The following ARHGEF10 variants were observed in gnomAD, a reference collection of about 807,000 sequenced individuals.
The protein encoded by ARHGEF10 is Rho guanine nucleotide exchange factor (GEF) 10.
ARHGEF10 carries 140 observed loss-of-function variants against 147.4 expected under a neutral mutation model. The observed-to-expected ratio is 0.95, with a 90% confidence interval of 0.83 to 1.09. The LOEUF is 1.09. Ranked by LOEUF, ARHGEF10 falls within the 50% of genes least tolerant of loss-of-function variation. The probability of loss-of-function intolerance (pLI) is 0.00; values close to 1 mark genes in which losing one functional copy is unlikely to be tolerated. For synonymous variants in ARHGEF10, 902 were observed against 695.8 expected (o/e 1.30, Z -4.67); for missense variants, 2,222 against 1,752.7 (o/e 1.27, Z -4.78).
intron 1 of ARHGEF10, among the ~76,000 whole-genome samples, chr8:1,834,353 A>G (rs1803455028): frequency 6.6e-6 from 1 of 152,162 alleles, no homozygotes; most frequent in Admixed American, 6.5e-5. Context: ...AGAAGATCCC[A>G]CGGAGACGGT....
At chr8:1,877,152 A>G (rs1315836189) in intron 8 of ARHGEF10, among the ~76,000 whole-genome samples, 1 of 152,272 alleles carries the variant, frequency 6.6e-6, no homozygotes, top group Non-Finnish European at 1.5e-5. Context: ...CATGTTCAGC[A>G]TGAAAAGGAA....
chr8:1,865,092 A>G (rs1450104355), intron 5 of ARHGEF10, among the ~76,000 whole-genome samples: 1 of 152,248 alleles, frequency 6.6e-6, no homozygotes, highest in Non-Finnish European at 1.5e-5. Flanking sequence ...AATAGTTTAA[A>G]ATAGTGTTTC....
intron 5 of ARHGEF10, 127 bp downstream of exon 5, chr8:1,864,563 C>G: frequency 4.4e-6 from 4 of 905,836 alleles, no homozygotes; most frequent in African/African-American, 1.6e-5. Flanking sequence ...TGTCCCAACC[C>G]CACCTCCTGC....
intron 1 of ARHGEF10, among the ~76,000 whole-genome samples, chr8:1,833,987 CA>C (rs1803428295): frequency 6.6e-6 from 1 of 152,194 alleles, no homozygotes; most frequent in Admixed American, 6.5e-5. Flanking sequence ...AGGAGACAAG[CA>C]GACACATGCA....
chr8:1,828,593 T>G (rs1185257338), intron 1 of ARHGEF10, among the ~76,000 whole-genome samples: 1 of 136,214 alleles, frequency 7.3e-6, no homozygotes. Context: ...ACACTTCCTG[T>G]TTTAAGGAAT....
At chr8:1,830,855 G>T (rs977481879) in intron 1 of ARHGEF10, among the ~76,000 whole-genome samples, 1 of 152,266 alleles carries the variant, frequency 6.6e-6, no homozygotes, top group Non-Finnish European at 1.5e-5. Flanking sequence ...GAGGCGCCAA[G>T]AGAATGGGGT....
rs981781339 is a variant in ARHGEF10 at position 1,888,327 on chromosome 8, G to A, written c.1182+2620G>A. ...TTTGTGAGGATATGCTGAGTGGGAT[G>A]TTGACTGTGAGGAGACACTGAGTGG... On this transcript the variant is annotated intron_variant, in intron 11 of 28. Transcript: ENST00000349830. Among the ~76,000 whole-genome samples, 7 of 105,300 alleles carry A rather than the reference G, an allele frequency of 6.6e-5. 1 individual carries two copies. The highest frequency in any genetic ancestry group is 1.4e-4 in the Non-Finnish European group (7 of 49,844). The allele number at this position is 105,300 out of a possible 152,430, so 69.1% of individuals were successfully genotyped here. A position where few individuals can be genotyped will look rare whatever the true frequency, so the allele number is the denominator to read the frequency against.
At chr8:1,832,284 C>G (rs1056761416) in intron 1 of ARHGEF10, among the ~76,000 whole-genome samples, 1 of 152,098 alleles carries the variant, frequency 6.6e-6, no homozygotes, top group African/African-American at 2.4e-5. Context: ...GGGTCATGTG[C>G]AGCCGCCCTT....
At chr8:1,867,314 A>G (rs540217785) in intron 6 of ARHGEF10, among the ~76,000 whole-genome samples, 1 of 152,354 alleles carries the variant, frequency 6.6e-6, no homozygotes, top group Non-Finnish European at 1.5e-5. Flanking sequence ...TAAAGGACAG[A>G]CTAGACATGT....
intron 11 of ARHGEF10, among the ~76,000 whole-genome samples, chr8:1,890,054 G>C (rs145240698): frequency 6.7e-6 from 1 of 148,928 alleles, no homozygotes; most frequent in African/African-American, 2.5e-5. Context: ...GGGGTAAGGA[G>C]TCTGTGCGGA....
intron 1 of ARHGEF10, among the ~76,000 whole-genome samples, chr8:1,840,271 C>T (rs1223834019): frequency 1.8e-5 from 2 of 113,838 alleles, no homozygotes; most frequent in South Asian, 3.1e-4. Flanking sequence ...GGAATCTGTC[C>T]GGTGTGGGGA....
chr8:1,909,546 C>T (rs1280282481), intron 18 of ARHGEF10, 76 bp downstream of exon 18: 49 of 1,579,778 alleles, frequency 3.1e-5, no homozygotes, highest in Admixed American at 2.9e-4. Flanking sequence ...GTGGGGCCAG[C>T]GTAAGCTCCA....
chr8:1,943,491 C>T (rs1814276786), intron 26 of ARHGEF10: 1 of 152,306 alleles, frequency 6.6e-6, no homozygotes, highest in African/African-American at 2.4e-5. Context: ...ACGCTAGAAC[C>T]ATCTGGAATC....
At chr8:1,955,385 T>TGCACTCTCACTGTTTCTCTG (rs1815456331) in intron 28 of ARHGEF10, among the ~76,000 whole-genome samples, 1 of 137,664 alleles carries the variant, frequency 7.3e-6, no homozygotes, top group Non-Finnish European at 1.6e-5. Flanking sequence ...TGAAAGGAGG[T>TGCACTCTCACTGTTTCTCTG]GTACTCTCAC....
chr8:1,875,132 GGCC>G, intron 7 of ARHGEF10, among the ~76,000 whole-genome samples: 1 of 27,422 alleles, frequency 3.6e-5, no homozygotes, highest in Non-Finnish European at 8.6e-5. Context: ...ACACACCCGG[GGCC>G]GTGTAGGGGG....
chr8:1,865,992 C>T (rs1265259699), intron 5 of ARHGEF10, among the ~76,000 whole-genome samples: 1 of 152,236 alleles, frequency 6.6e-6, no homozygotes, highest in Admixed American at 6.5e-5. Context: ...ATTCCCGTAG[C>T]TACCCATTGC....
At chr8:1,870,409 G>T (rs7013410) in intron 7 of ARHGEF10, 25,650 of 152,022 alleles carry the variant, frequency 0.17, 2,318 homozygotes, top group East Asian at 0.3. Context: ...TATGAGAAAA[G>T]ACTGCAAAAT....
At chr8:1,834,862 G>C (rs922738638) in intron 1 of ARHGEF10, among the ~76,000 whole-genome samples, 1 of 152,372 alleles carries the variant, frequency 6.6e-6, no homozygotes, top group Non-Finnish European at 1.5e-5. Context: ...TGCATCAGGG[G>C]TGGGATGTCC....
At position 1,905,439 on chromosome 8, in the gene ARHGEF10, A is replaced by G. The variant is rs1366242691; in HGVS notation, c.1822-132A>G. ...CGGATGTTCAGCGCAGTCACGGGGAACATAGGAACGATTTCCGTAAAGCGC... is the reference window on the plus strand; with the variant it reads ...CGGATGTTCAGCGCAGTCACGGGGAGCATAGGAACGATTTCCGTAAAGCGC... On this transcript the variant is annotated intron_variant, in intron 16 of 28. Transcript: ENST00000349830. 5 of 1,123,622 alleles carry G rather than the reference A, an allele frequency of 4.4e-6. No individual in the cohort carries two copies. The East Asian group carries it at 1.2e-4, about 26-fold the overall frequency. 69.6% of individuals were successfully genotyped at this position (1,123,622 alleles called of 1,614,324 possible). A position where few individuals can be genotyped will look rare whatever the true frequency, so the allele number is the denominator to read the frequency against.
Sources: allele counts gnomAD v4.1 joint callset (sites outside exome capture counted in the v4.1 genomes callset), GRCh38; gene constraint gnomAD v4.1.1; transcripts MANE v1.5; gene names NCBI Gene and HGNC (gene_info 2026-07-23, HGNC 2026-07-21).